HTR1E: variants seen among roughly 807,000 people sequenced by gnomAD.
HTR1E encodes 5-hydroxytryptamine receptor 1E.
HTR1E carries 3 observed loss-of-function variants against 3.4 expected under a neutral mutation model. The observed-to-expected ratio is 0.89, with a 90% confidence interval of 0.41 to 2.31. The LOEUF is 2.31. HTR1E is among the 30% of genes most tolerant of loss of function. The pLI, the probability that HTR1E is intolerant of heterozygous loss-of-function variation, is 0.05. For synonymous variants in HTR1E, 170 were observed against 182.8 expected (o/e 0.93, Z 0.56); for missense variants, 392 against 467.0 (o/e 0.84, Z 1.48).
At chr6:86,983,261 A>G (rs993038730) in intron 1 of HTR1E, among the ~76,000 whole-genome samples, 13 of 152,212 alleles carry the variant, frequency 8.5e-5, no homozygotes, top group African/African-American at 2.9e-4. Flanking sequence ...CTAAGAAATC[A>G]TTTCTTCAAA....
At chr6:86,987,872 T>A (rs1767812582) in intron 1 of HTR1E, among the ~76,000 whole-genome samples, 2 of 152,110 alleles carry the variant, frequency 1.3e-5, no homozygotes, top group Non-Finnish European at 2.9e-5. Flanking sequence ...TTAATCTCAT[T>A]CATGAAGGAG....
chr6:86,996,282 A>G (rs916836572), intron 1 of HTR1E, among the ~76,000 whole-genome samples: 1 of 152,172 alleles, frequency 6.6e-6, no homozygotes, highest in African/African-American at 2.4e-5. Context: ...ATGGAACCCA[A>G]CTAGAAATCA....
At chr6:86,949,848 A>G (rs1030496157) in intron 1 of HTR1E, among the ~76,000 whole-genome samples, 12 of 152,114 alleles carry the variant, frequency 7.9e-5, no homozygotes, top group African/African-American at 2.9e-4. Context: ...TTTTTAATAT[A>G]CCTTCCTATT....
chr6:87,010,742 G>A lies in HTR1E; in HGVS notation c.-185-4408G>A, dbSNP rs542280657. 3.5e-4 allele frequency among the ~76,000 whole-genome samples: 52 copies of A among 150,030 alleles called. 1 individual carries two copies. The East Asian group carries it at 9.9e-3, about 29-fold the overall frequency. Reference sequence around the variant, plus strand: ...AGAGACACTCCTCACTTCCCAGACGGGGTGGCGGCCGGGCAGAGGCTGCAA... The same window carrying A: ...AGAGACACTCCTCACTTCCCAGACGAGGTGGCGGCCGGGCAGAGGCTGCAA... On this transcript the variant is annotated intron_variant, in intron 1 of 1. Transcript: ENST00000305344.
intron 1 of HTR1E, among the ~76,000 whole-genome samples, chr6:86,943,098 G>C (rs1052535914): frequency 1.3e-5 from 2 of 152,256 alleles, no homozygotes; most frequent in Non-Finnish European, 2.9e-5. Flanking sequence ...TTAATTAACA[G>C]TTAATGATTA....
rs556492856 is a variant in HTR1E, at chr6:86,993,833, G to A, written c.-185-21317G>A. ...TTAAATGAGAAAAAAAAAATCTGCAGACGAAAAGGATTTTTGAAGCCCATA... is the reference window on the plus strand; with the variant it reads ...TTAAATGAGAAAAAAAAAATCTGCAAACGAAAAGGATTTTTGAAGCCCATA... On this transcript the variant is annotated intron_variant, in intron 1 of 1. Coordinates refer to ENST00000305344, the MANE Select transcript of HTR1E (RefSeq NM_000865.3). 6.6e-5 allele frequency among the ~76,000 whole-genome samples: 10 copies of A among 152,112 alleles called. No homozygotes were observed. In the South Asian group the frequency reaches 1.9e-3, roughly 28 times the overall value.
chr6:87,010,941 TG>T lies in HTR1E; in HGVS notation c.-185-4208del, dbSNP rs1195388689. ...TTAAGAAACTGGGTGATTTAACCCG[TG>T]AATTTTTTTACAGTTTGGATTCCAA... On this transcript the variant is annotated intron_variant, in intron 1 of 1. Transcript: ENST00000305344. Among the ~76,000 whole-genome samples, 10 of 152,344 alleles carry T rather than the reference TG, an allele frequency of 6.6e-5. No homozygotes were observed. In the East Asian group the frequency reaches 1.9e-3, roughly 29 times the overall value.
intron 1 of HTR1E, among the ~76,000 whole-genome samples, chr6:87,013,964 A>T (rs1309994726): frequency 6.6e-6 from 1 of 152,134 alleles, no homozygotes; most frequent in Non-Finnish European, 1.5e-5. Flanking sequence ...GCCAGTTAGA[A>T]TGGTGATCAT....
At chr6:86,977,641 A>G (rs1261810479) in intron 1 of HTR1E, among the ~76,000 whole-genome samples, 1 of 152,180 alleles carries the variant, frequency 6.6e-6, no homozygotes, top group Admixed American at 6.5e-5. Flanking sequence ...TTACATTCCC[A>G]CCAACAGTGT....
intron 1 of HTR1E, among the ~76,000 whole-genome samples, chr6:86,962,907 G>A (rs1464242789): frequency 6.6e-6 from 1 of 152,044 alleles, no homozygotes; most frequent in Non-Finnish European, 1.5e-5. Flanking sequence ...TACATAATAC[G>A]TGATCTCTGT....
rs142205384 is a variant in HTR1E, at chr6:86,992,465, T to C, written c.-185-22685T>C. On this transcript the variant is annotated intron_variant, in intron 1 of 1. Transcript: ENST00000305344. ...TACCAAAGAACGACGTGAACTGGACTGACAAATGCATTATACTTTGGTCAA... is the reference window on the plus strand; with the variant it reads ...TACCAAAGAACGACGTGAACTGGACCGACAAATGCATTATACTTTGGTCAA... Among the ~76,000 whole-genome samples, 652 of 152,336 alleles carry C rather than the reference T, an allele frequency of 4.3e-3. 3 individuals carry two copies. Among genetic ancestry groups the C allele is most frequent in the Non-Finnish European group, 7.2e-3 (488 of 68,010 alleles).
chr6:86,944,434 C>A (rs1006228807), intron 1 of HTR1E, among the ~76,000 whole-genome samples: 1 of 152,178 alleles, frequency 6.6e-6, no homozygotes, highest in Non-Finnish European at 1.5e-5. Context: ...GTAATGTTCT[C>A]AGACTGAAAT....
At chr6:86,974,249 C>A (rs1767600054) in intron 1 of HTR1E, among the ~76,000 whole-genome samples, 1 of 152,162 alleles carries the variant, frequency 6.6e-6, no homozygotes, top group Non-Finnish European at 1.5e-5. Context: ...GTATTTCCTG[C>A]AAGAAATGAG....
chr6:86,992,329 T>C (rs1767880392), intron 1 of HTR1E, among the ~76,000 whole-genome samples: 1 of 152,192 alleles, frequency 6.6e-6, no homozygotes, highest in Non-Finnish European at 1.5e-5. Flanking sequence ...AACATAGAGT[T>C]GTGTTTCCAA....
rs1562076090 is a variant in HTR1E, at chr6:87,015,239, C to T, written c.-96C>T. The T allele has an allele frequency of 2.8e-6, 3 of 1,083,624 alleles. No individual in the cohort carries two copies. The highest frequency in any genetic ancestry group is 5.3e-5 in the East Asian group (2 of 37,732). The allele number at this position is 1,083,624 out of a possible 1,614,324, so 67.1% of individuals were successfully genotyped here. A position where few individuals can be genotyped will look rare whatever the true frequency, so the allele number is the denominator to read the frequency against. ...ACCACATAGCTGAACAAATTATAGC[C>T]TCCTTACAAGTGAGAAACCTTCGAG... On this transcript the variant is annotated 5_prime_UTR_variant, in exon 2 of 2. Transcript: ENST00000305344.
At chr6:87,014,967 G>A (rs1057196800) in intron 1 of HTR1E, among the ~76,000 whole-genome samples, 183 bp from the exon 2 acceptor site, 3 of 151,978 alleles carry the variant, frequency 2.0e-5, no homozygotes, top group African/African-American at 7.3e-5. Context: ...AAAAAAAACA[G>A]TTTGAAAACT....
chr6:86,982,812 G>A (rs1411769317), intron 1 of HTR1E, among the ~76,000 whole-genome samples: 1 of 152,156 alleles, frequency 6.6e-6, no homozygotes. Context: ...GTGGAATATA[G>A]CATCTTACTG....
chr6:86,941,378 T>A (rs927788708), intron 1 of HTR1E, among the ~76,000 whole-genome samples: 1 of 152,246 alleles, frequency 6.6e-6, no homozygotes, highest in African/African-American at 2.4e-5. Context: ...TTAGTTCTCT[T>A]ATTTTGTCTC....
At chr6:87,001,821 C>A (rs1415437203) in intron 1 of HTR1E, among the ~76,000 whole-genome samples, 3 of 152,036 alleles carry the variant, frequency 2.0e-5, no homozygotes, top group Admixed American at 6.5e-5. Flanking sequence ...CCAGAAGGAT[C>A]AATTTTTATG....
Sources: gnomAD v4.1 joint callset for allele counts (sites outside exome capture counted in the v4.1 genomes callset) on GRCh38, gnomAD v4.1.1 for gene constraint, MANE v1.5 for transcripts, NCBI Gene and HGNC (gene_info 2026-07-23, HGNC 2026-07-21) for gene names.